Variants in SH3RF3 observed in about 807,000 individuals in gnomAD.
SH3RF3 encodes SH3 domain containing ring finger 3.
Under a neutral mutation model 66.3 loss-of-function variants are expected in SH3RF3, and 29 were observed. The ratio of observed to expected loss-of-function variants is 0.44; its 90% CI spans 0.33 to 0.60. SH3RF3 has a LOEUF of 0.60. SH3RF3 is among the 20% of genes least tolerant of loss of function. SH3RF3 has a pLI of 0.04. For synonymous variants in SH3RF3, 583 were observed against 532.0 expected (o/e 1.10, Z -1.32); for missense variants, 1,194 against 1,190.9 (o/e 1.00, Z -0.04).
At chr2:109,396,860 A>G (rs114266965) in intron 3 of SH3RF3, among the ~76,000 whole-genome samples, 2,072 of 152,352 alleles carry the variant, frequency 0.014, 27 homozygotes, top group East Asian at 0.052. Flanking sequence ...AGCGGCTCAC[A>G]TGGTCCTTCA....
rs1479881357 is a variant in SH3RF3 at position 109,130,053 on chromosome 2, G to C, written c.513G>C (p.Ala171=). 7.3e-6 allele frequency: 10 copies of C among 1,366,924 alleles called. No individual in the cohort carries two copies. Among genetic ancestry groups the C allele is most frequent in the Admixed American group, 6.8e-5 (2 of 29,598 alleles). 84.7% of individuals were successfully genotyped at this position (1,366,924 alleles called of 1,614,324 possible). ...PGSPVFLSAA[A]GSTAGSLREL... ...CCCCGGTTTTCCTCTCCGCGGCCGC[G>C]GGCAGCACCGCCGGCAGTCTGCGGG... The change falls in exon 1 of 10, where the codon GCG becomes GCC. Residue 171 remains alanine, a synonymous_variant. Transcript: ENST00000309415.
At chr2:109,302,931 C>T (rs953500423) in intron 1 of SH3RF3, among the ~76,000 whole-genome samples, 4 of 152,132 alleles carry the variant, frequency 2.6e-5, no homozygotes, top group Admixed American at 6.5e-5. Flanking sequence ...GGCTGGAGTG[C>T]AGTGGCATGA....
At chr2:109,333,948 G>T (rs58141337) in intron 1 of SH3RF3, among the ~76,000 whole-genome samples, 2,730 of 152,300 alleles carry the variant, frequency 0.018, 98 homozygotes, top group African/African-American at 0.063. Flanking sequence ...ATGAGGACAT[G>T]CTCAGAGTAC....
chr2:109,195,650 C>G (rs779778678), intron 1 of SH3RF3, among the ~76,000 whole-genome samples: 6 of 152,324 alleles, frequency 3.9e-5, no homozygotes, highest in Non-Finnish European at 8.8e-5. Context: ...AGCCTCTGAC[C>G]GTGTGCCAGA....
At chr2:109,421,378 C>T (rs1466350180) in intron 5 of SH3RF3, among the ~76,000 whole-genome samples, 25 of 152,366 alleles carry the variant, frequency 1.6e-4, no homozygotes, top group Non-Finnish European at 1.5e-5. Context: ...GCCTCCCCTT[C>T]CTGGGTGCAG....
chr2:109,354,365 G>A (rs1362043493), intron 2 of SH3RF3, among the ~76,000 whole-genome samples: 2 of 152,208 alleles, frequency 1.3e-5, no homozygotes, highest in Non-Finnish European at 2.9e-5. Context: ...TTGCTTCTAG[G>A]AAACCACTCG....
intron 1 of SH3RF3, among the ~76,000 whole-genome samples, chr2:109,135,728 C>T (rs1477311509): frequency 3.3e-5 from 5 of 152,044 alleles, no homozygotes; most frequent in Admixed American, 1.3e-4. Flanking sequence ...TCAGTCAGTC[C>T]ATGTTGTGGA....
At chr2:109,405,494 C>A (rs1005451976) in intron 4 of SH3RF3, among the ~76,000 whole-genome samples, 12 of 152,146 alleles carry the variant, frequency 7.9e-5, no homozygotes, top group African/African-American at 2.4e-4. Context: ...GATCTTCTCC[C>A]TGCGCACCAC....
intron 1 of SH3RF3, among the ~76,000 whole-genome samples, chr2:109,170,370 A>C (rs960781298): frequency 7.2e-6 from 1 of 139,236 alleles, no homozygotes. Context: ...TTTTTTGACC[A>C]CATCTTGTTC....
At chr2:109,287,927 G>A (rs1478654630) in intron 1 of SH3RF3, among the ~76,000 whole-genome samples, 1 of 152,210 alleles carries the variant, frequency 6.6e-6, no homozygotes, top group East Asian at 1.9e-4. Context: ...TCTACATCCA[G>A]GACCTGCCTG....
chr2:109,389,556 G>A (rs991142537), intron 3 of SH3RF3, among the ~76,000 whole-genome samples: 2 of 152,208 alleles, frequency 1.3e-5, no homozygotes, highest in Non-Finnish European at 2.9e-5. Flanking sequence ...TGGATCGTTT[G>A]AAAACCACTG....
intron 1 of SH3RF3, among the ~76,000 whole-genome samples, chr2:109,345,284 G>A (rs1340168478): frequency 1.3e-5 from 2 of 152,096 alleles, no homozygotes; most frequent in African/African-American, 2.4e-5. Flanking sequence ...GAAGGCTGAT[G>A]GTGGGGAGGC....
rs184499832 is a variant in SH3RF3, at chr2:109,429,799, C to T, written c.1404-2702C>T. Among the ~76,000 whole-genome samples the T allele has an allele frequency of 2.0e-5, 3 of 152,338 alleles. No individual in the cohort carries two copies. The East Asian group carries it at 5.8e-4, about 29-fold the overall frequency. On this transcript the variant is annotated intron_variant, in intron 5 of 9. Transcript: ENST00000309415. ...GCCACAGACAGCCCTGGGGAGGAAG[C>T]ACGTTGCACAGGGCCACCCGAGCAG...
Position 109,229,299 on chromosome 2 carries a change from C to T in SH3RF3, c.573+99186C>T, listed in dbSNP as rs575333760. Among the ~76,000 whole-genome samples, 179 of 152,318 alleles carry T rather than the reference C, an allele frequency of 1.2e-3. 6 individuals are homozygous for T. The South Asian group carries it at 0.035, about 29-fold the overall frequency. On this transcript the variant is annotated intron_variant, in intron 1 of 9. Coordinates refer to ENST00000309415, the MANE Select transcript of SH3RF3 (RefSeq NM_001099289.3). Reference sequence around the variant, plus strand: ...TGAGGAATTCTGACATACCCACACCCCACTTCCTCTGTTGTTAACACCTTA... The same window carrying T: ...TGAGGAATTCTGACATACCCACACCTCACTTCCTCTGTTGTTAACACCTTA...
At chr2:109,465,536 T>C (rs563671117) in intron 8 of SH3RF3, among the ~76,000 whole-genome samples, 2 of 152,358 alleles carry the variant, frequency 1.3e-5, no homozygotes, top group East Asian at 3.9e-4. Flanking sequence ...AGTTATGTAG[T>C]GGTCTCTCAT....
At chr2:109,420,880 G>A (rs1431307399) in intron 5 of SH3RF3, among the ~76,000 whole-genome samples, 2 of 152,214 alleles carry the variant, frequency 1.3e-5, no homozygotes, top group African/African-American at 2.4e-5. Flanking sequence ...TTTCTTAAGT[G>A]GTGGGCAGGA....
chr2:109,163,601 G>A (rs1463487622), intron 1 of SH3RF3, among the ~76,000 whole-genome samples: 4 of 151,234 alleles, frequency 2.6e-5, no homozygotes, highest in Admixed American at 6.6e-5. Context: ...GGGTTTCACC[G>A]TTTTAGCCGG....
intron 1 of SH3RF3, among the ~76,000 whole-genome samples, chr2:109,135,500 C>G (rs781059974): frequency 3.3e-5 from 5 of 152,190 alleles, no homozygotes; most frequent in Non-Finnish European, 7.3e-5. Context: ...GCCTGGCACA[C>G]GTGATTGGCT....
At chr2:109,213,640 C>T (rs1010077211) in intron 1 of SH3RF3, among the ~76,000 whole-genome samples, 3 of 152,160 alleles carry the variant, frequency 2.0e-5, no homozygotes, top group Non-Finnish European at 4.4e-5. Context: ...GTCAGGGCAG[C>T]AAACTGTGTG....
Sources: allele counts gnomAD v4.1 joint callset (sites outside exome capture counted in the v4.1 genomes callset), GRCh38; gene constraint gnomAD v4.1.1; transcripts MANE v1.5; gene names NCBI Gene and HGNC (gene_info 2026-07-23, HGNC 2026-07-21).